CEP55: variants seen among roughly 807,000 people sequenced by gnomAD.
The protein encoded by CEP55 is centrosomal protein of 55 kDa.
A neutral mutation model predicts 63.2 loss-of-function variants in CEP55; 57 were observed. That is an observed-to-expected ratio of 0.90 (90% confidence interval 0.73 to 1.13). The LOEUF (loss-of-function observed/expected upper bound fraction) is 1.13, where lower values mean the gene tolerates loss of function less well. Among genes scored for constraint, CEP55 ranks in the 50% most tolerant of loss-of-function variants. The pLI is 0.00. For missense variants in CEP55, 456 were observed against 518.9 expected (o/e 0.88, Z 1.18); for synonymous variants, 178 against 191.6 (o/e 0.93, Z 0.59).
In CEP55 at chr10:93,515,390, C is replaced by A. The variant is rs2057793042; in HGVS notation, c.529-15C>A. 1 of 1,565,920 alleles carries A rather than the reference C, an allele frequency of 6.4e-7. No homozygotes were observed. The highest frequency in any genetic ancestry group is 8.7e-7 in the Non-Finnish European group (1 of 1,148,822). ...TTTTATTTTACTGTTGATTTTCTTT[C>A]ATCTTCCCATTAAGGCTCTGGAGAA... On this transcript the variant is annotated splice_polypyrimidine_tract_variant and intron_variant, in intron 4 of 8. Transcript: ENST00000371485.
In CEP55 at chr10:93,517,080, A is replaced by G; in HGVS notation, c.825A>G (p.Glu275=). ...FRRKYEETQK[E]VHNLNQLLYS... ...GAAAATATGAAGAAACCCAAAAAGAAGTTCACAATTTAAATCAGCTGTTGT... is the reference window on the plus strand; with the variant it reads ...GAAAATATGAAGAAACCCAAAAAGAGGTTCACAATTTAAATCAGCTGTTGT... The change falls in exon 6 of 9, where the codon GAA becomes GAG. Residue 275 remains glutamate (E), a synonymous_variant. Transcript: ENST00000371485. 1 of 1,614,030 alleles carries G rather than the reference A, an allele frequency of 6.2e-7. No homozygotes were observed.
At chr10:93,516,893 T>C in intron 5 of CEP55, 42 bp from the exon 6 acceptor site, 1 of 1,321,242 alleles carries the variant, frequency 7.6e-7, no homozygotes, top group Non-Finnish European at 1.0e-6. Flanking sequence ...GAATATTATT[T>C]ATTTTATAAA....
At chr10:93,526,048 C>T (rs1203457166) in intron 8 of CEP55, among the ~76,000 whole-genome samples, 1 of 152,108 alleles carries the variant, frequency 6.6e-6, no homozygotes, top group Non-Finnish European at 1.5e-5. Context: ...ATGTCTAAAA[C>T]ACCAAAAGCA....
At chr10:93,499,829 A>G (rs766378917) in intron 1 of CEP55, among the ~76,000 whole-genome samples, 2 of 152,022 alleles carry the variant, frequency 1.3e-5, no homozygotes, top group African/African-American at 2.4e-5. Context: ...CCAAGTTGAC[A>G]TATTTTAGAA....
At chr10:93,527,742 G>A (rs904711984) in intron 8 of CEP55, among the ~76,000 whole-genome samples, 3 of 151,910 alleles carry the variant, frequency 2.0e-5, no homozygotes, top group Admixed American at 6.6e-5. Flanking sequence ...TTATCTGGAC[G>A]TGGTGACATG....
intron 4 of CEP55, among the ~76,000 whole-genome samples, chr10:93,508,915 G>A (rs563856804): frequency 2.0e-5 from 3 of 152,200 alleles, no homozygotes; most frequent in South Asian, 2.1e-4. Flanking sequence ...CTTGTTTAAT[G>A]TTCAACCTTT....
rs75712754 is a variant in CEP55, at chr10:93,528,445, C to T, written c.*292C>T. 9.4e-3 allele frequency: 3,203 copies of T among 341,658 alleles called. 89 individuals are homozygous for T. Among genetic ancestry groups the T allele is most frequent in the African/African-American group, 0.063 (2,951 of 46,642 alleles). 21.2% of individuals were successfully genotyped at this position (341,658 alleles called of 1,614,324 possible). On this transcript the variant is annotated 3_prime_UTR_variant, in exon 9 of 9. Coordinates refer to ENST00000371485, the MANE Select transcript of CEP55 (RefSeq NM_018131.5). ...AATACTTGGTGAGGAAAAGATAGCTCAGGTTATTGCTAATGGGTTAATGCA... is the reference window on the plus strand; with the variant it reads ...AATACTTGGTGAGGAAAAGATAGCTTAGGTTATTGCTAATGGGTTAATGCA...
intron 8 of CEP55, among the ~76,000 whole-genome samples, chr10:93,522,599 ACTC>A (rs1302942511): frequency 1.3e-5 from 2 of 152,100 alleles, no homozygotes; most frequent in African/African-American, 4.8e-5. Context: ...CCACAAAGAT[ACTC>A]CTCGAGAAGA....
At chr10:93,511,747 C>A (rs902184343) in intron 4 of CEP55, among the ~76,000 whole-genome samples, 1 of 151,686 alleles carries the variant, frequency 6.6e-6, no homozygotes, top group African/African-American at 2.4e-5. Flanking sequence ...GGACCACTGG[C>A]GCCCGCCACC....
At chr10:93,499,969 T>C in intron 1 of CEP55, 71 bp from the exon 2 acceptor site, 2 of 1,020,600 alleles carry the variant, frequency 2.0e-6, no homozygotes, top group Non-Finnish European at 2.9e-6. Context: ...AGATAGGTTA[T>C]TAGACCTGTT....
chr10:93,524,115 C>T (rs1417714677), intron 8 of CEP55, among the ~76,000 whole-genome samples: 1 of 151,936 alleles, frequency 6.6e-6, no homozygotes, highest in African/African-American at 2.4e-5. Context: ...GAGATAGAGA[C>T]ACAAAAAAAC....
Position 93,506,899 on chromosome 10 carries a change from G to C in CEP55, c.460-89G>C, listed in dbSNP as rs917708091. The C allele has an allele frequency of 9.2e-6, 8 of 873,288 alleles. No individual in the cohort carries two copies. In the East Asian group the frequency reaches 1.9e-4, roughly 21 times the overall value. The allele number at this position is 873,288 out of a possible 1,614,324, so 54.1% of individuals were successfully genotyped here. The stretch of plus-strand genomic sequence containing the variant: ...TAGATCTGGATTTCGGGATGCCCCC[G>C]TGAGTTATACTGTATTATTATGGTG... On this transcript the variant is annotated intron_variant, in intron 3 of 8. Coordinates refer to ENST00000371485, the MANE Select transcript of CEP55 (RefSeq NM_018131.5).
chr10:93,500,076 T>G lies in CEP55; in HGVS notation c.25T>G (p.Leu9Val). The G allele has an allele frequency of 6.2e-7, 1 of 1,608,442 alleles. No homozygotes were observed. Among genetic ancestry groups the G allele is most frequent in the Non-Finnish European group, 8.5e-7 (1 of 1,178,340 alleles). MSSRSTKD[L>V]IKSKWGSKPS... is the part of the protein sequence containing the mutation. ...GATGTCTTCCAGAAGTACCAAAGAT[T>G]TAATTAAAAGTAAGTGGGGATCGAA... Residue 9 changes from leucine (L) to valine (V), a missense_variant, in exon 2 of 9, where the codon TTA (leucine) becomes GTA (valine). Physicochemically the swap from Leu to Val is conservative, Grantham distance 32 (BLOSUM62 1). Transcript: ENST00000371485.
At chr10:93,514,860 C>T (rs1231283053) in intron 4 of CEP55, among the ~76,000 whole-genome samples, 2 of 152,204 alleles carry the variant, frequency 1.3e-5, no homozygotes, top group African/African-American at 2.4e-5. Context: ...GCCACCTCCA[C>T]CTCCCGGGTT....
At chr10:93,518,849 C>T (rs769644486) in intron 6 of CEP55, 28 bp from the exon 7 acceptor site, 2 of 1,531,860 alleles carry the variant, frequency 1.3e-6, no homozygotes, top group African/African-American at 1.4e-5. Flanking sequence ...TTGGATGTGA[C>T]AGCATTGGTT....
chr10:93,516,500 A>G (rs139811540), intron 5 of CEP55, among the ~76,000 whole-genome samples: 1,595 of 152,190 alleles, frequency 0.01, 17 homozygotes, highest in Middle Eastern at 0.02. Flanking sequence ...TGTTTTATCA[A>G]AGCAATATAA....
At chr10:93,520,052 A>G (rs1416995701) in intron 8 of CEP55, 1 of 514,380 alleles carries the variant, frequency 1.9e-6, no homozygotes, top group Non-Finnish European at 3.5e-6. Flanking sequence ...TGGAGGCACT[A>G]AATAGTGCCT....
At chr10:93,503,745 T>C (rs1220311143) in intron 3 of CEP55, among the ~76,000 whole-genome samples, 3 of 152,190 alleles carry the variant, frequency 2.0e-5, no homozygotes, top group Non-Finnish European at 4.4e-5. Context: ...ATTTGAAACA[T>C]ACAATTATAA....
At chr10:93,505,904 G>A (rs1239073611) in intron 3 of CEP55, among the ~76,000 whole-genome samples, 1 of 151,284 alleles carries the variant, frequency 6.6e-6, no homozygotes, top group Non-Finnish European at 1.5e-5. Context: ...AGTAATTTTT[G>A]TATTATTAGT....
Sources: allele counts gnomAD v4.1 joint callset (sites outside exome capture counted in the v4.1 genomes callset), GRCh38; gene constraint gnomAD v4.1.1; transcripts MANE v1.5; gene names NCBI Gene and HGNC (gene_info 2026-07-23, HGNC 2026-07-21).